SH3D19: variants seen among roughly 807,000 people sequenced by gnomAD.
SH3D19 encodes SH3 domain containing 19, also known as SH3 domain-containing protein 19.
SH3D19 carries 58 observed loss-of-function variants against 112.1 expected under a neutral mutation model. That is an observed-to-expected ratio of 0.52 (90% confidence interval 0.42 to 0.64). SH3D19 has a LOEUF of 0.64. SH3D19 is among the 30% of genes least tolerant of loss of function. SH3D19 has a pLI of 0.00. For missense variants in SH3D19, 1,090 were observed against 1,263.4 expected (o/e 0.86, Z 2.08); for synonymous variants, 391 against 448.5 (o/e 0.87, Z 1.62).
chr4:151,235,924 C>CGACT (rs1272014240), intron 1 of SH3D19, among the ~76,000 whole-genome samples: 1 of 152,226 alleles, frequency 6.6e-6, no homozygotes, highest in Admixed American at 6.5e-5. Context: ...TAGTCTTAGT[C>CGACT]ATCTCCGTGT....
chr4:151,226,372 T>G, intron 1 of SH3D19: 1 of 1,077,216 alleles, frequency 9.3e-7, no homozygotes, highest in Non-Finnish European at 1.1e-6. Flanking sequence ...CTAAATACTT[T>G]GCTAACACTA....
intron 2 of SH3D19, among the ~76,000 whole-genome samples, chr4:151,208,741 G>C (rs1444741267): frequency 6.8e-6 from 1 of 147,724 alleles, no homozygotes; most frequent in Non-Finnish European, 1.5e-5. Flanking sequence ...GCAGTGGCAT[G>C]ATCTCAGCTC....
intron 1 of SH3D19, among the ~76,000 whole-genome samples, chr4:151,297,933 G>A (rs1775812793): frequency 6.6e-6 from 1 of 152,174 alleles, no homozygotes. Context: ...GTATACTAAT[G>A]AGAGTATGCA....
intron 1 of SH3D19, 51 bp downstream of exon 1, chr4:151,325,190 C>G (rs1730930665): frequency 9.4e-7 from 1 of 1,065,120 alleles, no homozygotes; most frequent in South Asian, 4.8e-5. Context: ...CCGAGCGGCC[C>G]CAGAGCGCGC....
chr4:151,153,439 G>A (rs1755468418), intron 9 of SH3D19, among the ~76,000 whole-genome samples: 3 of 151,644 alleles, frequency 2.0e-5, no homozygotes. Flanking sequence ...AGAGATGGGG[G>A]TTTCACCATG....
At chr4:151,186,805 T>C (rs1337776584) in intron 3 of SH3D19, among the ~76,000 whole-genome samples, 1 of 150,014 alleles carries the variant, frequency 6.7e-6, no homozygotes, top group Non-Finnish European at 1.5e-5. Context: ...TTTTTTTTTT[T>C]TTTTTTTGAG....
chr4:151,316,167 CCT>C (rs1472117735), intron 1 of SH3D19, among the ~76,000 whole-genome samples: 3 of 152,172 alleles, frequency 2.0e-5, no homozygotes, highest in African/African-American at 7.2e-5. Flanking sequence ...CTGTGATCTT[CCT>C]CTCAAACACC....
At chr4:151,188,395 C>T (rs980231431) in intron 2 of SH3D19, among the ~76,000 whole-genome samples, 1 of 152,084 alleles carries the variant, frequency 6.6e-6, no homozygotes, top group African/African-American at 2.4e-5. Flanking sequence ...GCGGAATGTC[C>T]CTCATCCAAA....
Position 151,135,147 on chromosome 4 carries a change from A to C in SH3D19, c.2428-15T>G. Reference sequence around the variant, plus strand: ...GGGATATCAATCTAGCAAAGATAAAATCAAGGCAACAATTATATTTTTTTC... The same window carrying C: ...GGGATATCAATCTAGCAAAGATAAACTCAAGGCAACAATTATATTTTTTTC... On this transcript the variant is annotated splice_polypyrimidine_tract_variant and intron_variant, in intron 14 of 19. Coordinates refer to ENST00000604030, the MANE Select transcript of SH3D19 (RefSeq NM_001378122.1). 6.3e-7 allele frequency: 1 copy of C among 1,577,466 alleles called. No individual in the cohort carries two copies. Among genetic ancestry groups the C allele is most frequent in the Non-Finnish European group, 8.6e-7 (1 of 1,162,406 alleles).
chr4:151,174,158 A>G (rs1759530989), intron 7 of SH3D19, among the ~76,000 whole-genome samples: 1 of 152,140 alleles, frequency 6.6e-6, no homozygotes, highest in Non-Finnish European at 1.5e-5. Context: ...CCTCCCCTGG[A>G]GCTGGCCCCT....
rs1304781341 is a variant in SH3D19, at chr4:151,160,676, TTCTC to T, written c.1643-1328_1643-1325del. Among the ~76,000 whole-genome samples, 16 of 68,390 alleles carry T rather than the reference TTCTC, an allele frequency of 2.3e-4. No individual in the cohort carries two copies. In the South Asian group the frequency reaches 6.3e-3, roughly 27 times the overall value. 44.9% of individuals were successfully genotyped at this position (68,390 alleles called of 152,430 possible). A position where few individuals can be genotyped will look rare whatever the true frequency, so the allele number is the denominator to read the frequency against. On this transcript the variant is annotated intron_variant, in intron 8 of 19. Coordinates refer to ENST00000604030, the MANE Select transcript of SH3D19 (RefSeq NM_001378122.1). ...ATGAGCAGATGAGCACTCTGTCTCT[TTCTC>T]TCTCTTTTTTTTTTTTTCAAATGTA...
intron 3 of SH3D19, among the ~76,000 whole-genome samples, chr4:151,185,586 T>A (rs1475127258): frequency 6.6e-6 from 1 of 152,242 alleles, no homozygotes; most frequent in Non-Finnish European, 1.5e-5. Flanking sequence ...TTTTCATTTT[T>A]ATATCTGAAT....
At chr4:151,236,919 A>C (rs1770104239) in intron 1 of SH3D19, among the ~76,000 whole-genome samples, 1 of 152,208 alleles carries the variant, frequency 6.6e-6, no homozygotes, top group South Asian at 2.1e-4. Flanking sequence ...GCTCTCTGTA[A>C]AATGGACCAA....
intron 1 of SH3D19, among the ~76,000 whole-genome samples, chr4:151,264,287 C>G (rs535075535): frequency 6.6e-6 from 1 of 151,710 alleles, no homozygotes; most frequent in Non-Finnish European, 1.5e-5. Context: ...AAAAATTAGC[C>G]GGGCATGGTG....
intron 13 of SH3D19, among the ~76,000 whole-genome samples, chr4:151,138,270 A>T (rs1023948956): frequency 1.3e-5 from 2 of 152,156 alleles, no homozygotes; most frequent in African/African-American, 4.8e-5. Context: ...GAGTACTACA[A>T]CTCTTTAGCA....
At chr4:151,258,741 C>T (rs1301705209) in intron 1 of SH3D19, among the ~76,000 whole-genome samples, 1 of 152,160 alleles carries the variant, frequency 6.6e-6, no homozygotes, top group Non-Finnish European at 1.5e-5. Flanking sequence ...GGGGTGAAGA[C>T]CAAAGGAGAG....
chr4:151,310,210 C>CA (rs1207145608), intron 1 of SH3D19, among the ~76,000 whole-genome samples: 34,392 of 99,812 alleles, frequency 0.34, 5,471 homozygotes, highest in East Asian at 0.53. Context: ...TCTGTCTTTA[C>CA]AAAAAAAAAA....
At chr4:151,306,541 C>T (rs2094386375) in intron 1 of SH3D19, among the ~76,000 whole-genome samples, 1 of 152,032 alleles carries the variant, frequency 6.6e-6, no homozygotes, top group Non-Finnish European at 1.5e-5. Context: ...GGAGACTCAA[C>T]TAAAACAGGG....
chr4:151,259,068 C>T (rs1772167030), intron 1 of SH3D19, among the ~76,000 whole-genome samples: 1 of 152,028 alleles, frequency 6.6e-6, no homozygotes, highest in Non-Finnish European at 1.5e-5. Flanking sequence ...CCCCATTCTC[C>T]CACTAGGAGG....
Sources: allele counts gnomAD v4.1 joint callset (sites outside exome capture counted in the v4.1 genomes callset), GRCh38; gene constraint gnomAD v4.1.1; transcripts MANE v1.5; gene names NCBI Gene and HGNC (gene_info 2026-07-23, HGNC 2026-07-21).